SORCS1: variants seen among roughly 807,000 people sequenced by gnomAD.
SORCS1 encodes the protein VPS10 domain-containing receptor SorCS1.
In SORCS1, 60 loss-of-function variants were observed where a neutral mutation model predicts 146.1. That is an observed-to-expected ratio of 0.41 (90% CI 0.33 to 0.51). The LOEUF (loss-of-function observed/expected upper bound fraction) is 0.51. Among genes scored for constraint, SORCS1 ranks in the 20% least tolerant of loss-of-function variants. The probability of loss-of-function intolerance (pLI) is 0.21; values close to 1 mark genes in which losing one functional copy is unlikely to be tolerated. For synonymous variants in SORCS1, 637 were observed against 584.0 expected, an observed-to-expected ratio of 1.09 and a Z score of -1.31; for missense variants, 1,352 against 1,487.6, an observed-to-expected ratio of 0.91 and a Z score of 1.50.
chr10:106,619,239 TC>T (rs1316551053), intron 20 of SORCS1, among the ~76,000 whole-genome samples: 1 of 152,288 alleles, frequency 6.6e-6, no homozygotes, highest in African/African-American at 2.4e-5. Context: ...TTCCTGCTCT[TC>T]CGCTATGGAT....
chr10:106,764,533 A>T (rs1859397825), intron 4 of SORCS1, among the ~76,000 whole-genome samples: 1 of 152,176 alleles, frequency 6.6e-6, no homozygotes, highest in South Asian at 2.1e-4. Flanking sequence ...CTCTGACTCC[A>T]AGGTTTCTTT....
chr10:106,874,214 C>A (rs1186561264), intron 2 of SORCS1, among the ~76,000 whole-genome samples: 2 of 152,102 alleles, frequency 1.3e-5, no homozygotes, highest in Non-Finnish European at 2.9e-5. Flanking sequence ...TATATATTAT[C>A]AGCATTCTGG....
At chr10:106,880,370 T>C (rs1950763151) in intron 2 of SORCS1, among the ~76,000 whole-genome samples, 2 of 152,232 alleles carry the variant, frequency 1.3e-5, no homozygotes, top group Admixed American at 1.3e-4. Flanking sequence ...AAAAAATACC[T>C]ATGAACATAT....
rs183607054 is a variant in SORCS1, at chr10:106,840,697, T to C, written c.627-11024A>G. On this transcript the variant is annotated intron_variant, in intron 2 of 25. Coordinates refer to ENST00000263054, the MANE Select transcript of SORCS1 (RefSeq NM_052918.5). ...TTTCATGAAAGGAAGAGTCAATTCA[T>C]GTAGGAAACTTTATTGTTATTTTAT... Among the ~76,000 whole-genome samples, 313 of 152,116 alleles carry C rather than the reference T, an allele frequency of 2.1e-3. 4 individuals are homozygous for C. The highest frequency in any genetic ancestry group is 7.3e-3 in the African/African-American group (305 of 41,516).
chr10:106,844,583 A>T (rs948016854), intron 2 of SORCS1, among the ~76,000 whole-genome samples: 6 of 148,828 alleles, frequency 4.0e-5, no homozygotes, highest in South Asian at 4.2e-4. Flanking sequence ...TTTAATTATT[A>T]TTTTTTTTAA....
At chr10:107,025,676 C>T (rs1000109481) in intron 1 of SORCS1, among the ~76,000 whole-genome samples, 15 of 152,164 alleles carry the variant, frequency 9.9e-5, no homozygotes, top group Admixed American at 7.2e-4. Flanking sequence ...AACTTTGACA[C>T]GTTTTAGGAA....
At chr10:106,803,682 T>C (rs548027087) in intron 3 of SORCS1, among the ~76,000 whole-genome samples, 1 of 152,312 alleles carries the variant, frequency 6.6e-6, no homozygotes, top group African/African-American at 2.4e-5. Context: ...ATGTGAATAA[T>C]GTAGGGAGGG....
At chr10:106,714,133 C>A (rs2135881838) in intron 6 of SORCS1, among the ~76,000 whole-genome samples, 2 of 12,178 alleles carry the variant, frequency 1.6e-4, no homozygotes, top group Admixed American at 3.0e-3. Flanking sequence ...GAAACTCTGC[C>A]TCAAAAAAAA....
chr10:106,954,499 C>T (rs1290757321), intron 2 of SORCS1, among the ~76,000 whole-genome samples: 1 of 152,158 alleles, frequency 6.6e-6, no homozygotes, highest in African/African-American at 2.4e-5. Context: ...GGACTATATC[C>T]AGAACTGGAA....
chr10:106,681,888 G>T (rs1017512974), intron 10 of SORCS1, among the ~76,000 whole-genome samples: 4 of 152,198 alleles, frequency 2.6e-5, no homozygotes, highest in Non-Finnish European at 4.4e-5. Flanking sequence ...AGCACTTCGG[G>T]AGGCCAAGGT....
Position 107,127,401 on chromosome 10 carries a change from C to T in SORCS1, c.558+36568G>A, listed in dbSNP as rs1293231160. The stretch of plus-strand genomic sequence containing the variant: ...CTGGACTCCTCCACTACTTTGATTT[C>T]CTTAGAATACATGTTGTGTATTGGT... On this transcript the variant is annotated intron_variant, in intron 1 of 25. Coordinates refer to ENST00000263054, the MANE Select transcript of SORCS1 (RefSeq NM_052918.5). Among the ~76,000 whole-genome samples, 3 of 152,124 alleles carry T rather than the reference C, an allele frequency of 2.0e-5. No individual in the cohort carries two copies. The East Asian group carries it at 5.8e-4, about 29-fold the overall frequency.
chr10:107,164,143 G>C lies in SORCS1; in HGVS notation c.384C>G (p.Pro128=), dbSNP rs891661228. ...AERGEGASRS[P]RGVLRDGGQQ... is the part of the protein sequence containing the mutation. ...GCCCTCCATCTCTTAGCACTCCCCG[G>C]GGGCTCCGACTCGCGCCCTCTCCCC... Residue 128 remains proline, a synonymous_variant, in exon 1 of 26, where the codon CCC becomes CCG. Transcript: ENST00000263054. The surrounding 1 kb of genome is among the most constrained non-coding windows in gnomAD (Gnocchi z 6.8). The C allele has an allele frequency of 6.2e-7, 1 of 1,613,110 alleles. No individual in the cohort carries two copies. Among genetic ancestry groups the C allele is most frequent in the Non-Finnish European group, 8.5e-7 (1 of 1,179,992 alleles).
At chr10:106,889,588 C>T (rs990837239) in intron 2 of SORCS1, among the ~76,000 whole-genome samples, 1 of 151,790 alleles carries the variant, frequency 6.6e-6, no homozygotes, top group Admixed American at 6.6e-5. Flanking sequence ...ACAGGTGAAA[C>T]CCCGTCTCTA....
At chr10:107,177,691 C>T in the SORCS1 span, among the ~76,000 whole-genome samples, 14 of 152,238 alleles carry the variant, frequency 9.2e-5, no homozygotes, top group East Asian at 1.7e-3. Flanking sequence ...ATCAAATCAG[C>T]GCATTTAAAA....
chr10:106,956,406 G>T, intron 2 of SORCS1, 107 bp downstream of exon 2: 2 of 931,938 alleles, frequency 2.1e-6, no homozygotes, highest in Non-Finnish European at 3.4e-6. Flanking sequence ...AAAGCAAGCA[G>T]TGCATATCAC....
intron 2 of SORCS1, among the ~76,000 whole-genome samples, chr10:106,918,171 T>G (rs2138355407): frequency 6.6e-6 from 1 of 152,294 alleles, no homozygotes; most frequent in South Asian, 2.1e-4. Flanking sequence ...CTTTTTATTT[T>G]ATTTTTTGAT....
intron 19 of SORCS1, among the ~76,000 whole-genome samples, chr10:106,628,972 G>T (rs1848267373): frequency 6.6e-6 from 1 of 152,146 alleles, no homozygotes; most frequent in African/African-American, 2.4e-5. Context: ...GTAAGCAGAG[G>T]AAATGCAATG....
intron 1 of SORCS1, among the ~76,000 whole-genome samples, chr10:107,041,947 T>A (rs190901107): frequency 2.2e-3 from 341 of 152,310 alleles, no homozygotes; most frequent in Non-Finnish European, 4.0e-3. Flanking sequence ...AATGCAAATC[T>A]TTCTTAAATT....
intron 2 of SORCS1, among the ~76,000 whole-genome samples, chr10:106,907,128 T>C (rs780172279): frequency 3.9e-5 from 6 of 152,176 alleles, no homozygotes; most frequent in Non-Finnish European, 8.8e-5. Flanking sequence ...AGAGTAACTG[T>C]GTACATGGTT....
Sources: allele counts gnomAD v4.1 joint callset (sites outside exome capture counted in the v4.1 genomes callset), GRCh38; gene constraint gnomAD v4.1.1; non-coding constraint Gnocchi (gnomAD v3.1); transcripts MANE v1.5; gene names NCBI Gene and HGNC (gene_info 2026-07-23, HGNC 2026-07-21).